Variants in GTF2E2 observed in about 807,000 individuals in gnomAD.
GTF2E2 encodes the protein general transcription factor IIE subunit 2, also known as transcription initiation factor IIE subunit beta.
Under a neutral mutation model 40.5 loss-of-function variants are expected in GTF2E2, and 21 were observed. The ratio of observed to expected loss-of-function variants is 0.52; its 90% CI spans 0.37 to 0.75. GTF2E2 has a LOEUF of 0.75. Ranked by LOEUF, GTF2E2 falls within the 30% of genes least tolerant of loss-of-function variation. The pLI is 0.00. For synonymous variants in GTF2E2, 117 were observed against 121.6 expected (o/e 0.96, Z 0.25); for missense variants, 298 against 338.4 (o/e 0.88, Z 0.94).
chr8:30,623,576 C>T lies in GTF2E2; in HGVS notation c.259-8861G>A, dbSNP rs541482826. On this transcript the variant is annotated intron_variant, in intron 3 of 7. Coordinates refer to ENST00000355904, the MANE Select transcript of GTF2E2 (RefSeq NM_002095.6). ...AAATGGTATTTCTAGTTCTAGATCC[C>T]TGAGGAATCGCCACACTGACTTCTA... Among the ~76,000 whole-genome samples, 7 of 152,132 alleles carry T rather than the reference C, an allele frequency of 4.6e-5. No individual in the cohort carries two copies. In the East Asian group the frequency reaches 1.3e-3, roughly 29 times the overall value.
chr8:30,597,476 C>G (rs1387659805), intron 6 of GTF2E2: 1 of 152,276 alleles, frequency 6.6e-6, no homozygotes, highest in Non-Finnish European at 1.5e-5. Flanking sequence ...CTGCAGCCCC[C>G]CAGGCGATCT....
intron 2 of GTF2E2, chr8:30,645,136 CA>C (rs577435168): frequency 2.8e-6 from 2 of 711,924 alleles, no homozygotes; most frequent in Admixed American, 3.0e-5. Context: ...CCCAGATATA[CA>C]AAAAAATTCA....
chr8:30,655,913 C>T (rs746025886), intron 1 of GTF2E2, among the ~76,000 whole-genome samples: 29 of 152,074 alleles, frequency 1.9e-4, no homozygotes, highest in Non-Finnish European at 3.1e-4. Context: ...TGGGCTCAAG[C>T]GATTCTCCTG....
chr8:30,633,409 A>G (rs1801497528), intron 3 of GTF2E2, among the ~76,000 whole-genome samples: 1 of 152,220 alleles, frequency 6.6e-6, no homozygotes, highest in Admixed American at 6.5e-5. Flanking sequence ...AAAGTGATAT[A>G]TTTTATTGAA....
chr8:30,588,443 T>C (rs79527387), intron 6 of GTF2E2, among the ~76,000 whole-genome samples: 15,963 of 152,202 alleles, frequency 0.1, 1,010 homozygotes, highest in South Asian at 0.16. Context: ...CTGGAGGACA[T>C]TGTTAAATGA....
chr8:30,658,128 T>C lies in GTF2E2; in HGVS notation c.-160A>G. The C allele has an allele frequency of 5.4e-6, 1 of 185,022 alleles. No individual in the cohort carries two copies. Among genetic ancestry groups the C allele is most frequent in the Non-Finnish European group, 1.1e-5 (1 of 91,212 alleles). 11.5% of individuals were successfully genotyped at this position (185,022 alleles called of 1,614,324 possible). ...CCAGCGCTGACCCGCCAGGTCGGGG[T>C]CTCACCACTGGCGGTGGCGGCGGCG... On this transcript the variant is annotated 5_prime_UTR_variant, in exon 1 of 8. Coordinates refer to ENST00000355904, the MANE Select transcript of GTF2E2 (RefSeq NM_002095.6).
chr8:30,582,702 T>C (rs529135026), intron 6 of GTF2E2, among the ~76,000 whole-genome samples: 81 of 152,296 alleles, frequency 5.3e-4, no homozygotes, highest in Middle Eastern at 3.4e-3. Context: ...CATTACTAGA[T>C]TGAGGTTATG....
At chr8:30,622,152 G>C (rs1801123256) in intron 3 of GTF2E2, among the ~76,000 whole-genome samples, 1 of 123,618 alleles carries the variant, frequency 8.1e-6, no homozygotes, top group African/African-American at 3.3e-5. Flanking sequence ...GCCCCGGTGT[G>C]TGATGTTCCC....
chr8:30,603,040 C>T (rs542633742), intron 6 of GTF2E2, among the ~76,000 whole-genome samples: 14 of 152,214 alleles, frequency 9.2e-5, no homozygotes, highest in African/African-American at 2.6e-4. Context: ...TCATACAATC[C>T]GCAGTATTTT....
At chr8:30,612,170 G>T (rs1829493523) in intron 5 of GTF2E2, 129 bp downstream of exon 5, 1 of 561,066 alleles carries the variant, frequency 1.8e-6, no homozygotes, top group African/African-American at 1.9e-5. Flanking sequence ...ACCTTCAAGT[G>T]GCTCACTGTA....
intron 3 of GTF2E2, among the ~76,000 whole-genome samples, chr8:30,632,140 A>G (rs998250688): frequency 2.0e-5 from 3 of 152,170 alleles, no homozygotes; most frequent in African/African-American, 4.8e-5. Flanking sequence ...AAGGAATAAC[A>G]CAACTTTTAT....
chr8:30,618,058 G>A (rs557068959), intron 3 of GTF2E2, among the ~76,000 whole-genome samples: 48 of 152,222 alleles, frequency 3.2e-4, no homozygotes, highest in African/African-American at 1.1e-3. Flanking sequence ...CAGCACTTTG[G>A]GAGGCCGAGG....
intron 2 of GTF2E2, among the ~76,000 whole-genome samples, chr8:30,644,145 T>C (rs1269186333): frequency 6.6e-6 from 1 of 152,216 alleles, no homozygotes; most frequent in Non-Finnish European, 1.5e-5. Context: ...AGTTCCTCAT[T>C]ACTATAGTTC....
chr8:30,580,423 T>C (rs144633707), intron 6 of GTF2E2, 27 bp from the exon 7 acceptor site: 5 of 1,213,024 alleles, frequency 4.1e-6, no homozygotes, highest in Non-Finnish European at 6.1e-6. Context: ...CTAGTTATTT[T>C]ACAATCCATT....
rs533281481 is a variant in GTF2E2, at chr8:30,587,970, T to G, written c.644-7574A>C. Among the ~76,000 whole-genome samples, 5 of 151,928 alleles carry G rather than the reference T, an allele frequency of 3.3e-5. No individual in the cohort carries two copies. The South Asian group carries it at 8.3e-4, about 25-fold the overall frequency. On this transcript the variant is annotated intron_variant, in intron 6 of 7. Coordinates refer to ENST00000355904, the MANE Select transcript of GTF2E2 (RefSeq NM_002095.6). ...AATACAAATCAAAACCACAATGATT[T>G]CCAACTGGGGCAGAGACTTAAAGGA...
At chr8:30,631,866 C>A (rs190588100) in intron 3 of GTF2E2, among the ~76,000 whole-genome samples, 56 of 152,292 alleles carry the variant, frequency 3.7e-4, no homozygotes, top group Middle Eastern at 3.4e-3. Context: ...GAGGCTGAGG[C>A]AGGCGGATCA....
At chr8:30,586,601 C>T (rs1828693072) in intron 6 of GTF2E2, among the ~76,000 whole-genome samples, 1 of 152,038 alleles carries the variant, frequency 6.6e-6, no homozygotes, top group African/African-American at 2.4e-5. Flanking sequence ...TTGAGCGAAA[C>T]AAACAAAACT....
chr8:30,607,128 A>G lies in GTF2E2; in HGVS notation c.572T>C (p.Phe191Ser). ...TTTCTTCTTATCGGGACGATTTACA[A>G]ATAGTATCTGGTCCCCCAAAGCCTT... ...AVKALGDQILFVNRPDKKKIL... is the reference protein window; with the variant it reads ...AVKALGDQILSVNRPDKKKIL... Residue 191 changes from phenylalanine to serine, a missense_variant, in exon 6 of 8, where the codon TTT becomes TCT. Phe to Ser is a radical substitution (Grantham distance 155, BLOSUM62 -2). Transcript: ENST00000355904. 1 of 1,440,792 alleles carries G rather than the reference A, an allele frequency of 6.9e-7. No homozygotes were observed. The highest frequency in any genetic ancestry group is 9.7e-7 in the Non-Finnish European group (1 of 1,035,846). 89.3% of individuals were successfully genotyped at this position (1,440,792 alleles called of 1,614,324 possible). A position where few individuals can be genotyped will look rare whatever the true frequency, so the allele number is the denominator to read the frequency against.
chr8:30,645,506 AAAAC>A, intron 2 of GTF2E2: 1 of 1,535,696 alleles, frequency 6.5e-7, no homozygotes, highest in Non-Finnish European at 8.7e-7. Flanking sequence ...TGCTGTGTAA[AAAAC>A]AAAACCGTGA....
Sources: gnomAD v4.1 joint callset for allele counts (sites outside exome capture counted in the v4.1 genomes callset) on GRCh38, gnomAD v4.1.1 for gene constraint, MANE v1.5 for transcripts, NCBI Gene and HGNC (gene_info 2026-07-23, HGNC 2026-07-21) for gene names.